Variants in SOX5 observed in about 807,000 individuals in gnomAD.
SOX5 encodes the protein SRY-box transcription factor 5.
SOX5 carries 9 observed loss-of-function variants against 92.0 expected under a neutral mutation model. The observed-to-expected ratio is 0.10, with a 90% CI of 0.06 to 0.17. The LOEUF (loss-of-function observed/expected upper bound fraction) is 0.17, where lower values mean the gene tolerates loss of function less well. Ranked by LOEUF, SOX5 falls within the 10% of genes least tolerant of loss-of-function variation. The pLI is 1.00. For missense variants in SOX5, 642 were observed against 944.5 expected (o/e 0.68, Z 4.20); for synonymous variants, 344 against 336.3 (o/e 1.02, Z -0.25).
At chr12:23,551,779 T>C (rs1233800701) in intron 11 of SOX5, among the ~76,000 whole-genome samples, 1 of 148,576 alleles carries the variant, frequency 6.7e-6, no homozygotes, top group East Asian at 1.9e-4. Flanking sequence ...CCTTATCTAA[T>C]ACTGATTTTT....
intron 1 of SOX5, among the ~76,000 whole-genome samples, chr12:24,477,054 TTTCCAAAATAAGGTAACA>T (rs1428482191): frequency 6.8e-6 from 1 of 147,788 alleles, no homozygotes; most frequent in Non-Finnish European, 1.5e-5. Flanking sequence ...TTAAAACACA[TTTCCAAAATAAGGTAACA>T]TTCCAAAATT....
At chr12:23,991,749 G>GA (rs35193056) in intron 4 of SOX5, among the ~76,000 whole-genome samples, 2 of 144,324 alleles carry the variant, frequency 1.4e-5, no homozygotes, top group Non-Finnish European at 1.5e-5. Context: ...AATACAGGAG[G>GA]TTTTTTTTTT....
intron 1 of SOX5, among the ~76,000 whole-genome samples, chr12:24,432,936 G>C (rs967947484): frequency 1.3e-5 from 2 of 152,068 alleles, no homozygotes; most frequent in South Asian, 4.1e-4. Flanking sequence ...AGAAAGTCTA[G>C]ATGCATGTAA....
intron 4 of SOX5, among the ~76,000 whole-genome samples, chr12:24,124,140 C>G (rs1463476918): frequency 6.6e-6 from 1 of 152,106 alleles, no homozygotes; most frequent in Admixed American, 6.5e-5. Context: ...CTGTATCCTC[C>G]TTTGGTCCCA....
intron 3 of SOX5, among the ~76,000 whole-genome samples, chr12:23,800,553 AT>A (rs1490608353): frequency 1.3e-5 from 2 of 151,676 alleles, no homozygotes; most frequent in South Asian, 2.1e-4. Context: ...ACTCTTTAAA[AT>A]TTAAAAAAAA....
At position 24,249,229 on chromosome 12, in the gene SOX5, G is replaced by A. The variant is rs1465534048; in HGVS notation, c.-77+27987C>T. ...ATGTGAAGAGGCCTTTCATAGGCTT[G>A]CACTTGCCCTCCTAACCTAACTCCT... On this transcript the variant is annotated intron_variant, in intron 3 of 4. Coordinates refer to the SOX5 transcript ENST00000446891. Among the ~76,000 whole-genome samples the A allele has an allele frequency of 2.0e-5, 3 of 152,194 alleles. No individual in the cohort carries two copies. The East Asian group carries it at 5.8e-4, about 29-fold the overall frequency.
At chr12:24,068,242 A>G (rs1008371696) in intron 4 of SOX5, among the ~76,000 whole-genome samples, 5 of 152,208 alleles carry the variant, frequency 3.3e-5, no homozygotes, top group Admixed American at 6.5e-5. Flanking sequence ...TTAGTCGTCA[A>G]TGTGTCCTAG....
intron 2 of SOX5, among the ~76,000 whole-genome samples, chr12:24,336,715 T>C (rs1164139996): frequency 1.3e-5 from 2 of 152,004 alleles, no homozygotes; most frequent in East Asian, 3.9e-4. Flanking sequence ...AGAAAGAAAA[T>C]GCCCTCTCCC....
intron 4 of SOX5, among the ~76,000 whole-genome samples, chr12:24,114,939 C>CTACA (rs1555107468): frequency 3.0e-4 from 45 of 151,356 alleles, no homozygotes; most frequent in Admixed American, 7.9e-4. Context: ...CTGTCTCTAA[C>CTACA]TAAATAAAGT....
At chr12:24,248,634 C>A (rs944236034) in intron 3 of SOX5, among the ~76,000 whole-genome samples, 1 of 152,182 alleles carries the variant, frequency 6.6e-6, no homozygotes, top group Non-Finnish European at 1.5e-5. Context: ...ATCCGCCTGA[C>A]TTGGCCTCCC....
chr12:23,694,548 G>C (rs1288866862), intron 6 of SOX5, among the ~76,000 whole-genome samples: 1 of 151,914 alleles, frequency 6.6e-6, no homozygotes, highest in Non-Finnish European at 1.5e-5. Context: ...AAATTTTTTG[G>C]AGTCAGCTTT....
chr12:24,152,533 G>T (rs1351204573), intron 4 of SOX5, among the ~76,000 whole-genome samples: 1 of 152,088 alleles, frequency 6.6e-6, no homozygotes, highest in African/African-American at 2.4e-5. Context: ...TGCTTGTACA[G>T]ACCTGACAGG....
intron 4 of SOX5, among the ~76,000 whole-genome samples, chr12:23,745,841 C>T (rs2093964055): frequency 6.6e-6 from 1 of 152,024 alleles, no homozygotes; most frequent in Admixed American, 6.6e-5. Flanking sequence ...CTCCCAAAGT[C>T]AGGAGAGGTA....
chr12:24,151,607 T>C (rs1951661999), intron 4 of SOX5, among the ~76,000 whole-genome samples: 1 of 152,170 alleles, frequency 6.6e-6, no homozygotes, highest in Non-Finnish European at 1.5e-5. Flanking sequence ...GAAATCTTGA[T>C]GTGATAGCAG....
intron 10 of SOX5, among the ~76,000 whole-genome samples, chr12:23,570,784 G>A (rs1299183252): frequency 1.3e-5 from 2 of 150,552 alleles, no homozygotes; most frequent in East Asian, 3.9e-4. Context: ...GGTGGCAGGT[G>A]CCTATAGTCC....
At position 23,845,131 on chromosome 12, in the gene SOX5, T is replaced by C. The variant is rs140677624; in HGVS notation, c.481+852A>G. Among the ~76,000 whole-genome samples the C allele has an allele frequency of 2.2e-4, 34 of 152,354 alleles. No homozygotes were observed. The East Asian group carries it at 6.5e-3, about 29-fold the overall frequency. On this transcript the variant is annotated intron_variant, in intron 3 of 14. Transcript: ENST00000451604. The stretch of plus-strand genomic sequence containing the variant: ...ACAGACTAGAAATGAGCCCAACTTA[T>C]TGTTACACGGTATACACGCAGTGTA...
At chr12:23,930,041 AT>A (rs1180696369) in intron 1 of SOX5, among the ~76,000 whole-genome samples, 2 of 151,874 alleles carry the variant, frequency 1.3e-5, no homozygotes, top group African/African-American at 2.4e-5. Flanking sequence ...CAAACCACGC[AT>A]TCTGGAGCTC....
intron 10 of SOX5, among the ~76,000 whole-genome samples, chr12:23,569,052 A>G (rs1418923309): frequency 6.6e-6 from 1 of 152,092 alleles, no homozygotes; most frequent in East Asian, 1.9e-4. Context: ...TTAGTGGAGC[A>G]TGGTGGTGCT....
chr12:23,970,841 A>ATATATATATTTTTTTTTTTTTTTT lies in SOX5; in HGVS notation c.-1-74818_-1-74817insAAAAAAAAAAAAAAAATATATATA. 4.6e-4 allele frequency among the ~76,000 whole-genome samples: 10 copies of ATATATATATTTTTTTTTTTTTTTT among 21,884 alleles called. 1 individual carries two copies. Among genetic ancestry groups the ATATATATATTTTTTTTTTTTTTTT allele is most frequent in the Non-Finnish European group, 8.2e-4 (8 of 9,706 alleles). 14.4% of individuals were successfully genotyped at this position (21,884 alleles called of 152,430 possible). ...ACATGGGACTTTATATATATATATA[A>ATATATATATTTTTTTTTTTTTTTT]TTTTTTTTTTTTTTTAAGAAATGGG... On this transcript the variant is annotated intron_variant, in intron 4 of 4. Coordinates refer to the SOX5 transcript ENST00000446891.
Sources: gnomAD v4.1 joint callset for allele counts (sites outside exome capture counted in the v4.1 genomes callset) on GRCh38, gnomAD v4.1.1 for gene constraint, MANE v1.5 for transcripts, NCBI Gene and HGNC (gene_info 2026-07-23, HGNC 2026-07-21) for gene names.